Variants in GNB2 observed in about 807,000 individuals in gnomAD.
The protein encoded by GNB2 is G protein subunit beta 2.
In GNB2, 7 loss-of-function variants were observed where a neutral mutation model predicts 40.7. The observed-to-expected ratio is 0.17, with a 90% CI of 0.10 to 0.32. The LOEUF is 0.32. GNB2 is among the 10% of genes least tolerant of loss of function. The pLI, the probability that GNB2 is intolerant of heterozygous loss-of-function variation, is 1.00. For missense variants in GNB2, 286 were observed against 473.0 expected (o/e 0.60, Z 3.67); for synonymous variants, 254 against 191.2 (o/e 1.33, Z -2.71).
At chr7:100,676,658 G>A (rs771675463) in intron 3 of GNB2, 35 bp from the exon 4 acceptor site, 2 of 1,561,462 alleles carry the variant, frequency 1.3e-6, no homozygotes, top group South Asian at 2.2e-5. Context: ...CCTGCTGCCT[G>A]GGCCTCCCCG....
At chr7:100,678,332 C>A (rs768101002) in intron 8 of GNB2, 33 bp downstream of exon 8, 3 of 1,603,912 alleles carry the variant, frequency 1.9e-6, no homozygotes, top group South Asian at 2.2e-5. Flanking sequence ...CCAGGCCCTC[C>A]CCACCAGGCT....
rs1804430796 is a variant in GNB2, at chr7:100,678,905, C to T, written c.*104C>T. On this transcript the variant is annotated 3_prime_UTR_variant, in exon 10 of 10. Transcript: ENST00000303210. ...GCAATCCCAGCCCCCTTCCCCGGGC[C>T]ACGGGGCCTTGGGTCCCTGCCCTCC... is the stretch of plus-strand genomic sequence containing the variant. The T allele has an allele frequency of 6.6e-6, 6 of 905,124 alleles. No homozygotes were observed. Among genetic ancestry groups the T allele is most frequent in the East Asian group, 5.2e-5 (2 of 38,196 alleles). The allele number at this position is 905,124 out of a possible 1,614,324, so 56.1% of individuals were successfully genotyped here. A position where few individuals can be genotyped will look rare whatever the true frequency, so the allele number is the denominator to read the frequency against.
chr7:100,676,868 C>A, intron 4 of GNB2, 69 bp downstream of exon 4: 1 of 913,516 alleles, frequency 1.1e-6, no homozygotes, highest in South Asian at 1.5e-5. Context: ...AGCCTCAGAT[C>A]TGGCGGAGTA....
Position 100,677,578 on chromosome 7 carries a change from G to C in GNB2, c.348G>C (p.Gly116=), listed in dbSNP as rs770058726. ...CAGGGAACTTTGTGGCCTGTGGGGG[G>C]TTGGACAACATCTGCTCCATCTACA... is the stretch of plus-strand genomic sequence containing the variant. ...APSGNFVACG[G]LDNICSIYSL... The change falls in exon 6 of 10, where the codon GGG becomes GGC. Residue 116 remains glycine, a synonymous_variant. Transcript: ENST00000303210. The C allele has an allele frequency of 5.0e-6, 8 of 1,613,434 alleles. No homozygotes were observed. Among genetic ancestry groups the C allele is most frequent in the Middle Eastern group, 1.6e-4 (1 of 6,062 alleles).
rs1289705598 is a variant in GNB2, at chr7:100,676,062, C to G, written c.-89-115C>G. 1.2e-5 allele frequency: 6 copies of G among 499,846 alleles called. No individual in the cohort carries two copies. The East Asian group carries it at 1.4e-4, about 11-fold the overall frequency. 31.0% of individuals were successfully genotyped at this position (499,846 alleles called of 1,614,324 possible). On this transcript the variant is annotated intron_variant, in intron 1 of 9. Transcript: ENST00000303210. Reference sequence around the variant, plus strand: ...CCCTGGTTGTGCCCGGGGACGGCGGCCGCGCCGCCCCTTCCCCCTCCCCTT... The same window carrying G: ...CCCTGGTTGTGCCCGGGGACGGCGGGCGCGCCGCCCCTTCCCCCTCCCCTT...
Position 100,673,815 on chromosome 7 carries a change from G to GCGCCGCCGC in GNB2, c.-169_-161dup, listed in dbSNP as rs374292503. 202 of 178,310 alleles carry GCGCCGCCGC rather than the reference G, an allele frequency of 1.1e-3. No individual in the cohort carries two copies. The highest frequency in any genetic ancestry group is 2.5e-3 in the Middle Eastern group (1 of 396). The allele number at this position is 178,310 out of a possible 1,614,324, so 11.0% of individuals were successfully genotyped here. ...CTGGGGCCACTGAGGAAATCCATCC[G>GCGCCGCCGC]CGCCGCCGCCGCCGCCGCCGCCGCC... On this transcript the variant is annotated 5_prime_UTR_variant, in exon 1 of 10. Transcript: ENST00000303210.
intron 2 of GNB2, 95 bp downstream of exon 2, chr7:100,676,417 A>G: frequency 8.3e-7 from 1 of 1,208,482 alleles, no homozygotes. Flanking sequence ...AGGGGGAGGG[A>G]GGGCCCCTTA....
Position 100,676,812 on chromosome 7 carries a change from G to A in GNB2, c.203+13G>A. The A allele has an allele frequency of 1.4e-6, 2 of 1,456,628 alleles. No homozygotes were observed. Among genetic ancestry groups the A allele is most frequent in the African/African-American group, 1.4e-5 (1 of 71,298 alleles). The allele number at this position is 1,456,628 out of a possible 1,614,324, so 90.2% of individuals were successfully genotyped here. ...GGACCGACTCAAGGTGTGTGTGTGT[G>A]CGCGGGCTGGCGCTGTGGGCCGACT... On this transcript the variant is annotated intron_variant, in intron 4 of 9. Coordinates refer to ENST00000303210, the MANE Select transcript of GNB2 (RefSeq NM_005273.4).
At chr7:100,676,376 G>A (rs549169546) in intron 2 of GNB2, 54 bp downstream of exon 2, 7 of 1,464,022 alleles carry the variant, frequency 4.8e-6, no homozygotes, top group African/African-American at 1.4e-5. Context: ...CGGTGCCCTG[G>A]ACCGGGTTGG....
chr7:100,677,266 G>A, intron 4 of GNB2, 86 bp from the exon 5 acceptor site: 2 of 1,038,810 alleles, frequency 1.9e-6, no homozygotes, highest in Non-Finnish European at 1.5e-6. Context: ...AACAGAGAGA[G>A]ACCCTACCTT....
intron 2 of GNB2, 85 bp downstream of exon 2, chr7:100,676,407 A>C (rs1804348123): frequency 2.0e-6 from 2 of 984,244 alleles, no homozygotes; most frequent in African/African-American, 1.6e-5. Flanking sequence ...TGGTGGGGGA[A>C]GGGGGAGGGA....
chr7:100,674,550 A>G (rs2131348544), intron 1 of GNB2, among the ~76,000 whole-genome samples: 1 of 146,482 alleles, frequency 6.8e-6, no homozygotes, highest in Admixed American at 6.7e-5. Context: ...TGGAGGTCGT[A>G]GGGGCTGGAG....
intron 3 of GNB2, 33 bp downstream of exon 3, chr7:100,676,606 G>A (rs748660513): frequency 3.8e-6 from 6 of 1,584,402 alleles, no homozygotes; most frequent in Admixed American, 1.7e-5. Flanking sequence ...GCGTAACTAG[G>A]GGTTGAAGGG....
intron 1 of GNB2, among the ~76,000 whole-genome samples, chr7:100,675,112 A>T (rs1804320880): frequency 6.6e-6 from 1 of 151,080 alleles, no homozygotes; most frequent in African/African-American, 2.4e-5. Context: ...GGAAGGACTC[A>T]GGCTCCCGGA....
rs530805406 is a variant in GNB2 at position 100,677,432 on chromosome 7, T to C, written c.267+17T>C. 1.9e-6 allele frequency: 3 copies of C among 1,613,486 alleles called. No homozygotes were observed. Among genetic ancestry groups the C allele is most frequent in the African/African-American group, 2.7e-5 (2 of 75,078 alleles). Reference sequence around the variant, plus strand: ...ACCAACAAGGTAGGGTGGCGCGGGCTGCGGGGTGGGGCAGGGCCACAGGGC... The same window carrying C: ...ACCAACAAGGTAGGGTGGCGCGGGCCGCGGGGTGGGGCAGGGCCACAGGGC... On this transcript the variant is annotated intron_variant, in intron 5 of 9. Transcript: ENST00000303210.
rs1172591724 is a variant in GNB2 at position 100,676,743 on chromosome 7, G to A, written c.147G>A (p.Arg49=). 2 of 1,607,982 alleles carry A rather than the reference G, an allele frequency of 1.2e-6. No homozygotes were observed. Among genetic ancestry groups the A allele is most frequent in the African/African-American group, 2.7e-5 (2 of 74,892 alleles). The part of the protein sequence containing the change: ...PVGRIQMRTR[R]TLRGHLAKIY... ...GGAGAATCCAGATGAGGACCCGGAG[G>A]ACCCTCCGTGGGCACCTGGCAAAGA... The change falls in exon 4 of 10, where the codon AGG becomes AGA. Residue 49 remains arginine, a synonymous_variant. Coordinates refer to ENST00000303210, the MANE Select transcript of GNB2 (RefSeq NM_005273.4).
At chr7:100,676,848 C>A in intron 4 of GNB2, 49 bp downstream of exon 4, 2 of 1,096,604 alleles carry the variant, frequency 1.8e-6, no homozygotes, top group Non-Finnish European at 2.7e-6. Context: ...TTCTAGCAGG[C>A]CGTGGGAGCA....
rs1358828304 is a variant in GNB2 at position 100,678,544 on chromosome 7, A to G, written c.846A>G (p.Gly282=). Reference sequence around the variant, plus strand: ...CCTCTGTTGCCTTCTCGCGCAGCGGACGGCTGCTGCTCGCTGGCTACGACG... The same window carrying G: ...CCTCTGTTGCCTTCTCGCGCAGCGGGCGGCTGCTGCTCGCTGGCTACGACG... The part of the protein sequence containing the change: ...GITSVAFSRS[G]RLLLAGYDDF... Residue 282 remains glycine (G), a synonymous_variant, in exon 9 of 10, where the codon GGA becomes GGG. Transcript: ENST00000303210. 1.2e-6 allele frequency: 2 copies of G among 1,613,816 alleles called. No individual in the cohort carries two copies. The highest frequency in any genetic ancestry group is 2.2e-5 in the South Asian group (2 of 91,080).
intron 1 of GNB2, chr7:100,675,617 G>C (rs1470926107): frequency 1.3e-5 from 2 of 152,370 alleles, no homozygotes; most frequent in Admixed American, 1.3e-4. Context: ...TGGCAACGGG[G>C]CTAGGGTGGG....
Sources: allele counts gnomAD v4.1 joint callset (sites outside exome capture counted in the v4.1 genomes callset), GRCh38; gene constraint gnomAD v4.1.1; transcripts MANE v1.5; gene names NCBI Gene and HGNC (gene_info 2026-07-23, HGNC 2026-07-21).